SETBP1: variants seen among roughly 807,000 people sequenced by gnomAD.
The protein encoded by SETBP1 is SET-binding protein.
A neutral mutation model predicts 101.0 loss-of-function variants in SETBP1; 9 were observed. That is an observed-to-expected ratio of 0.09 (90% CI 0.05 to 0.16). The LOEUF (loss-of-function observed/expected upper bound fraction) is 0.16, where lower values mean the gene tolerates loss of function less well. SETBP1 is among the 10% of genes least tolerant of loss of function. SETBP1 has a pLI of 1.00. For synonymous variants in SETBP1, 818 were observed against 788.5 expected (o/e 1.04, Z -0.63); for missense variants, 1,858 against 2,033.8 (o/e 0.91, Z 1.66).
intron 3 of SETBP1, among the ~76,000 whole-genome samples, chr18:44,943,856 A>C (rs1312895205): frequency 6.9e-6 from 1 of 144,494 alleles, no homozygotes; most frequent in Admixed American, 7.0e-5. Flanking sequence ...TTTTTTTGAG[A>C]CAGAGTCTCT....
intron 2 of SETBP1, among the ~76,000 whole-genome samples, chr18:44,738,659 A>C (rs1227858277): frequency 6.6e-6 from 1 of 151,960 alleles, no homozygotes; most frequent in East Asian, 1.9e-4. Flanking sequence ...CTGGAATGCC[A>C]GCTCCTCAGG....
At chr18:44,962,382 G>A (rs2071630710) in intron 4 of SETBP1, among the ~76,000 whole-genome samples, 1 of 152,108 alleles carries the variant, frequency 6.6e-6, no homozygotes, top group Admixed American at 6.6e-5. Flanking sequence ...CCGTGAAGAG[G>A]GGATTGAACT....
chr18:44,786,562 T>A (rs1471268232), intron 2 of SETBP1, among the ~76,000 whole-genome samples: 1 of 152,194 alleles, frequency 6.6e-6, no homozygotes, highest in African/African-American at 2.4e-5. Flanking sequence ...TATGCCTTCT[T>A]GGTAAAGATC....
At chr18:44,737,421 A>C (rs1361050592) in intron 2 of SETBP1, among the ~76,000 whole-genome samples, 1 of 152,212 alleles carries the variant, frequency 6.6e-6, no homozygotes, top group Admixed American at 6.5e-5. Flanking sequence ...GGCTGGCTAC[A>C]GACATATATA....
intron 4 of SETBP1, among the ~76,000 whole-genome samples, chr18:45,011,096 A>G (rs1158627328): frequency 6.6e-6 from 1 of 152,192 alleles, no homozygotes; most frequent in Admixed American, 6.5e-5. Flanking sequence ...AGAGTCTACA[A>G]TCTGTTAAGG....
intron 2 of SETBP1, among the ~76,000 whole-genome samples, chr18:44,736,610 C>T (rs1048898562): frequency 2.6e-5 from 4 of 152,170 alleles, no homozygotes; most frequent in African/African-American, 9.7e-5. Context: ...TCACTCTTTC[C>T]ATTTTTCATG....
intron 4 of SETBP1, among the ~76,000 whole-genome samples, chr18:45,010,371 T>G (rs927402781): frequency 1.3e-5 from 2 of 152,216 alleles, no homozygotes; most frequent in Admixed American, 1.3e-4. Context: ...TCCTAAAAGC[T>G]GATAATCCCC....
chr18:44,680,567 C>T (rs2068742019), upstream of SETBP1, among the ~76,000 whole-genome samples: 1 of 151,954 alleles, frequency 6.6e-6, no homozygotes, highest in African/African-American at 2.4e-5. Flanking sequence ...GAGACCGGGC[C>T]GAGGGGGCGG....
rs980236679 is a variant in SETBP1, at chr18:45,064,979, CA to C, written c.*1284del. ...ATCAAGCCACCTTGGACAAAGTATC[CA>C]AATTGTGGTTGCCTTAATAAACTAA... On this transcript the variant is annotated 3_prime_UTR_variant, in exon 6 of 6. Transcript: ENST00000649279. 3 of 152,048 alleles carry C rather than the reference CA, an allele frequency of 2.0e-5. No individual in the cohort carries two copies. The highest frequency in any genetic ancestry group is 7.2e-5 in the African/African-American group (3 of 41,400). The allele number at this position is 152,048 out of a possible 1,614,324, so 9.4% of individuals were successfully genotyped here.
intron 2 of SETBP1, among the ~76,000 whole-genome samples, chr18:44,773,769 G>T (rs1397512851): frequency 1.3e-5 from 2 of 148,184 alleles, no homozygotes; most frequent in East Asian, 2.0e-4. Flanking sequence ...CATACCTTAG[G>T]TTCCAAGTAT....
chr18:44,876,471 C>A, intron 3 of SETBP1: 1 of 867,776 alleles, frequency 1.2e-6, no homozygotes, highest in South Asian at 1.5e-5. Context: ...CAGTCCTAAC[C>A]CCTGTAGTGT....
At chr18:44,710,694 C>T (rs1420873733) in intron 2 of SETBP1, among the ~76,000 whole-genome samples, 1 of 152,156 alleles carries the variant, frequency 6.6e-6, no homozygotes, top group African/African-American at 2.4e-5. Flanking sequence ...TCGTGATCTG[C>T]CCACCTCAGC....
chr18:44,860,167 G>A (rs913950205), intron 2 of SETBP1, among the ~76,000 whole-genome samples: 1 of 152,206 alleles, frequency 6.6e-6, no homozygotes, highest in African/African-American at 2.4e-5. Context: ...TTCCGTAAAT[G>A]ATGAGAAGAA....
intron 2 of SETBP1, among the ~76,000 whole-genome samples, chr18:44,710,420 CA>C (rs1199520151): frequency 6.7e-6 from 1 of 149,844 alleles, no homozygotes. Context: ...AAATACACAG[CA>C]CAAGGCCTTG....
Position 45,049,032 on chromosome 18 carries a change from G to A in SETBP1, c.4171+10377G>A, listed in dbSNP as rs187625080. ...TAGAAGATTAGCCCCTGCCCCAGAGGAGCTTTAACACTACGTGGGAAGGCC... is the reference window on the plus strand; with the variant it reads ...TAGAAGATTAGCCCCTGCCCCAGAGAAGCTTTAACACTACGTGGGAAGGCC... On this transcript the variant is annotated intron_variant, in intron 5 of 5. Transcript: ENST00000649279. Among the ~76,000 whole-genome samples the A allele has an allele frequency of 2.8e-3, 413 of 148,676 alleles. 11 individuals carry two copies. The highest frequency in any genetic ancestry group is 0.023 in the Admixed American group (341 of 14,856).
intron 3 of SETBP1, among the ~76,000 whole-genome samples, chr18:44,882,394 A>G (rs1262473327): frequency 1.3e-5 from 2 of 152,074 alleles, no homozygotes; most frequent in Non-Finnish European, 2.9e-5. Context: ...ACGAAGCGCT[A>G]AAGGCTGATT....
At chr18:44,762,531 G>T (rs374438091) in intron 2 of SETBP1, among the ~76,000 whole-genome samples, 3 of 152,168 alleles carry the variant, frequency 2.0e-5, no homozygotes, top group East Asian at 3.8e-4. Flanking sequence ...CTTGTCTCTT[G>T]TTTACTATAT....
intron 3 of SETBP1, among the ~76,000 whole-genome samples, chr18:44,902,180 G>A (rs2070063145): frequency 6.6e-6 from 1 of 152,062 alleles, no homozygotes; most frequent in Non-Finnish European, 1.5e-5. Context: ...GCCATCATTT[G>A]AACAGCACTG....
chr18:45,045,905 C>T (rs1195940190), intron 5 of SETBP1, among the ~76,000 whole-genome samples: 1 of 151,924 alleles, frequency 6.6e-6, no homozygotes, highest in African/African-American at 2.4e-5. Flanking sequence ...ATCTTTTTCC[C>T]CCTTGCCCAC....
Sources: allele counts gnomAD v4.1 joint callset (sites outside exome capture counted in the v4.1 genomes callset), GRCh38; gene constraint gnomAD v4.1.1; transcripts MANE v1.5; gene names NCBI Gene and HGNC (gene_info 2026-07-23, HGNC 2026-07-21).